FAM168A: variants seen among roughly 807,000 people sequenced by gnomAD.
FAM168A encodes protein FAM168A.
A neutral mutation model predicts 28.5 loss-of-function variants in FAM168A; 3 were observed. The ratio of observed to expected loss-of-function variants is 0.11; its 90% confidence interval spans 0.05 to 0.27. The LOEUF is 0.27. Among genes scored for constraint, FAM168A ranks in the 10% least tolerant of loss-of-function variants. The probability of loss-of-function intolerance (pLI) is 1.00; values close to 1 mark genes in which losing one functional copy is unlikely to be tolerated. For synonymous variants in FAM168A, 122 were observed against 124.2 expected (o/e 0.98, Z 0.12); for missense variants, 222 against 311.5 (o/e 0.71, Z 2.16).
At chr11:73,551,299 A>G (rs1338146869) in intron 1 of FAM168A, among the ~76,000 whole-genome samples, 3 of 152,176 alleles carry the variant, frequency 2.0e-5, no homozygotes, top group African/African-American at 4.8e-5. Context: ...AGTAGGGAGG[A>G]CAGATTTGGT....
At chr11:73,590,770 T>C (rs1944371524) in intron 1 of FAM168A, among the ~76,000 whole-genome samples, 1 of 152,230 alleles carries the variant, frequency 6.6e-6, no homozygotes, top group Non-Finnish European at 1.5e-5. Flanking sequence ...AGAGTAGAAC[T>C]GACACATATC....
chr11:73,493,271 G>A (rs781627899), intron 1 of FAM168A, among the ~76,000 whole-genome samples: 1 of 152,096 alleles, frequency 6.6e-6, no homozygotes, highest in African/African-American at 2.4e-5. Context: ...ATAAAAGAAA[G>A]GCAAGATAAC....
At chr11:73,433,076 C>CTTTTTTTTTTTTTTTTT (rs34994742) in intron 2 of FAM168A, among the ~76,000 whole-genome samples, 7 of 80,602 alleles carry the variant, frequency 8.7e-5, no homozygotes, top group African/African-American at 3.4e-4. Context: ...CACGCCCCGC[C>CTTTTTTTTTTTTTTTTT]TTTTTTTTTT....
At chr11:73,418,063 A>C (rs919152058) in intron 4 of FAM168A, among the ~76,000 whole-genome samples, 2 of 152,210 alleles carry the variant, frequency 1.3e-5, no homozygotes, top group Non-Finnish European at 2.9e-5. Context: ...GATTAAATGA[A>C]AGGGTGATTA....
chr11:73,430,036 G>C (rs954183773), intron 3 of FAM168A: 1 of 152,524 alleles, frequency 6.6e-6, no homozygotes, highest in Non-Finnish European at 1.5e-5. Flanking sequence ...TCTTTCTCCT[G>C]CTCTTGAGTA....
intron 1 of FAM168A, among the ~76,000 whole-genome samples, chr11:73,473,271 G>T (rs1334562718): frequency 6.6e-6 from 1 of 152,184 alleles, no homozygotes; most frequent in East Asian, 1.9e-4. Flanking sequence ...AGGTCTGTTT[G>T]ATTTCAATGT....
At chr11:73,536,162 A>C (rs760635893) in intron 1 of FAM168A, among the ~76,000 whole-genome samples, 55 of 152,138 alleles carry the variant, frequency 3.6e-4, no homozygotes, top group Non-Finnish European at 7.2e-4. Flanking sequence ...TAAAACTTCT[A>C]ATCAGCTTTT....
At chr11:73,579,383 T>A (rs1944217112) in intron 1 of FAM168A, among the ~76,000 whole-genome samples, 1 of 152,178 alleles carries the variant, frequency 6.6e-6, no homozygotes, top group Non-Finnish European at 1.5e-5. Context: ...AGTAACTATA[T>A]AATATAAATG....
At chr11:73,435,842 C>T (rs1867078367) in intron 2 of FAM168A, among the ~76,000 whole-genome samples, 1 of 152,168 alleles carries the variant, frequency 6.6e-6, no homozygotes, top group Non-Finnish European at 1.5e-5. Flanking sequence ...TTCGCATTTG[C>T]TTTTCATTTG....
At chr11:73,541,366 A>C (rs1943654093) in intron 1 of FAM168A, among the ~76,000 whole-genome samples, 1 of 151,648 alleles carries the variant, frequency 6.6e-6, no homozygotes. Context: ...ACAAGTGCCT[A>C]AACTTCTTTT....
chr11:73,584,539 T>A (rs992116057), intron 1 of FAM168A, among the ~76,000 whole-genome samples: 1 of 142,062 alleles, frequency 7.0e-6, no homozygotes, highest in Admixed American at 7.5e-5. Context: ...AGTGGCGCAA[T>A]CTCGGCTCAC....
rs530102260 is a variant in FAM168A at position 73,547,903 on chromosome 11, AAAG to A, written c.-19+50017_-19+50019del. Among the ~76,000 whole-genome samples the A allele has an allele frequency of 4.1e-3, 622 of 152,274 alleles. 11 individuals are homozygous for A. Among genetic ancestry groups the A allele is most frequent in the Admixed American group, 0.024 (369 of 15,282 alleles). ...ATACAAAGGAATAGTATTTAGCCTT[AAAG>A]AAGAAGGAAATCCTTTCACATGCTA... is the stretch of plus-strand genomic sequence containing the variant. On this transcript the variant is annotated intron_variant, in intron 1 of 7. Coordinates refer to ENST00000356467, the MANE Select transcript of FAM168A (RefSeq NM_015159.3).
chr11:73,460,436 C>T (rs1321853888), intron 2 of FAM168A, among the ~76,000 whole-genome samples: 1 of 151,798 alleles, frequency 6.6e-6, no homozygotes. Context: ...CAACTCTGTA[C>T]CAGTCACTGT....
At chr11:73,464,215 A>G (rs1867696687) in intron 2 of FAM168A, among the ~76,000 whole-genome samples, 1 of 151,556 alleles carries the variant, frequency 6.6e-6, no homozygotes, top group Non-Finnish European at 1.5e-5. Context: ...ATACGAAGGG[A>G]AAAATCCCAC....
intron 1 of FAM168A, among the ~76,000 whole-genome samples, chr11:73,546,141 C>T (rs1943748802): frequency 6.6e-6 from 1 of 152,122 alleles, no homozygotes; most frequent in African/African-American, 2.4e-5. Context: ...ATCATAAGCA[C>T]ACAGATTGAC....
chr11:73,477,438 C>T (rs1867903565), intron 1 of FAM168A, among the ~76,000 whole-genome samples: 2 of 151,888 alleles, frequency 1.3e-5, no homozygotes, highest in Non-Finnish European at 2.9e-5. Flanking sequence ...CCAAAAACTT[C>T]CCAAATTTGA....
At chr11:73,467,029 G>A (rs1034675126) in intron 2 of FAM168A, among the ~76,000 whole-genome samples, 5 of 151,990 alleles carry the variant, frequency 3.3e-5, no homozygotes, top group Admixed American at 6.6e-5. Flanking sequence ...AGCCAAGGTT[G>A]GGTTAAAAAA....
At chr11:73,526,232 C>T (rs1232704556) in intron 1 of FAM168A, among the ~76,000 whole-genome samples, 3 of 151,782 alleles carry the variant, frequency 2.0e-5, no homozygotes, top group African/African-American at 7.3e-5. Flanking sequence ...CTATAAATGG[C>T]CAATAAATAT....
chr11:73,451,021 G>A (rs1335791084), intron 2 of FAM168A, among the ~76,000 whole-genome samples: 3 of 152,144 alleles, frequency 2.0e-5, no homozygotes, highest in African/African-American at 4.8e-5. Flanking sequence ...GTGCAAGGAT[G>A]GAGACGAGTG....
Sources: gnomAD v4.1 joint callset for allele counts (sites outside exome capture counted in the v4.1 genomes callset) on GRCh38, gnomAD v4.1.1 for gene constraint, MANE v1.5 for transcripts, NCBI Gene and HGNC (gene_info 2026-07-23, HGNC 2026-07-21) for gene names.